The following ERG variants were observed in gnomAD, a reference collection of about 807,000 sequenced individuals.
ERG encodes the protein transcriptional regulator ERG.
A neutral mutation model predicts 55.3 loss-of-function variants in ERG; 9 were observed. The ratio of observed to expected loss-of-function variants is 0.16; its 90% CI spans 0.10 to 0.28. ERG has a LOEUF of 0.28. Ranked by LOEUF, ERG falls within the 10% of genes least tolerant of loss-of-function variation. ERG has a pLI of 1.00. For missense variants in ERG, 434 were observed against 631.6 expected (o/e 0.69, Z 3.35); for synonymous variants, 223 against 237.3 (o/e 0.94, Z 0.55).
Position 38,520,721 on chromosome 21 carries a change from T to C in ERG, c.-41+54941A>G, listed in dbSNP as rs117780186. Among the ~76,000 whole-genome samples the C allele has an allele frequency of 6.8e-3, 1,039 of 152,296 alleles. 10 individuals carry two copies. The highest frequency in any genetic ancestry group is 0.011 in the Non-Finnish European group (776 of 68,020). ...CAGGAAGACCTATCAGGACTGGTGA[T>C]TGACTGGAGGCAGAGAGCACGAAAA... On this transcript the variant is annotated intron_variant, in intron 2 of 8. Transcript: ENST00000398897.
intron 1 of ERG, among the ~76,000 whole-genome samples, chr21:38,638,856 G>A (rs1211300624): frequency 6.6e-6 from 1 of 152,080 alleles, no homozygotes; most frequent in African/African-American, 2.4e-5. Flanking sequence ...TAACCATCCT[G>A]TGCCTAGCAG....
chr21:38,629,216 T>TGC (rs2060343025), intron 1 of ERG, among the ~76,000 whole-genome samples: 1 of 152,162 alleles, frequency 6.6e-6, no homozygotes, highest in African/African-American at 2.4e-5. Flanking sequence ...TCCCTGGTTC[T>TGC]TTCTCCAGGG....
intron 2 of ERG, among the ~76,000 whole-genome samples, chr21:38,440,517 A>G (rs114793739): frequency 0.015 from 2,225 of 152,220 alleles, 51 homozygotes; most frequent in African/African-American, 0.051. Flanking sequence ...TGCACCTGAC[A>G]TTCGTAAAGA....
intron 2 of ERG, among the ~76,000 whole-genome samples, chr21:38,540,393 C>G (rs996887050): frequency 6.6e-6 from 1 of 152,156 alleles, no homozygotes; most frequent in Non-Finnish European, 1.5e-5. Context: ...TCCACATCAC[C>G]CCTCTTCCTA....
intron 6 of ERG, among the ~76,000 whole-genome samples, chr21:38,395,001 C>T (rs1388875379): frequency 6.6e-6 from 1 of 152,218 alleles, no homozygotes; most frequent in Non-Finnish European, 1.5e-5. Context: ...CAAAATCCTT[C>T]ATATGGTGTA....
At chr21:38,423,046 C>A (rs1169140476) in intron 3 of ERG, among the ~76,000 whole-genome samples, 1 of 150,578 alleles carries the variant, frequency 6.6e-6, no homozygotes, top group Non-Finnish European at 1.5e-5. Context: ...TGCATGTTTG[C>A]CTGGACATCC....
At chr21:38,532,226 C>T (rs1483157353) in intron 2 of ERG, among the ~76,000 whole-genome samples, 2 of 152,096 alleles carry the variant, frequency 1.3e-5, no homozygotes, top group African/African-American at 4.8e-5. Flanking sequence ...GGGGTTTCAA[C>T]AAGATAAACT....
intron 1 of ERG, among the ~76,000 whole-genome samples, chr21:38,631,648 T>G (rs138365617): frequency 3.7e-4 from 56 of 152,288 alleles, no homozygotes; most frequent in African/African-American, 1.3e-3. Context: ...ATCTCTGCAT[T>G]ACTGTGTGCA....
chr21:38,588,964 CA>C (rs2060083722), upstream of ERG, among the ~76,000 whole-genome samples: 1 of 152,146 alleles, frequency 6.6e-6, no homozygotes, highest in Admixed American at 6.5e-5. Context: ...CTCCTGGCCT[CA>C]AGCAATCCTC....
intron 2 of ERG, among the ~76,000 whole-genome samples, chr21:38,565,960 A>G (rs139758573): frequency 6.6e-6 from 1 of 152,354 alleles, no homozygotes; most frequent in African/African-American, 2.4e-5. Flanking sequence ...AAGTGTGTGA[A>G]GAGTATGAAG....
chr21:38,428,446 C>A (rs1456403270), intron 2 of ERG, among the ~76,000 whole-genome samples: 1 of 152,166 alleles, frequency 6.6e-6, no homozygotes, highest in Non-Finnish European at 1.5e-5. Context: ...GCATAGAGGA[C>A]CACGTGTTCT....
chr21:38,583,302 C>T (rs9305653), intron 1 of ERG, among the ~76,000 whole-genome samples: 2 of 152,140 alleles, frequency 1.3e-5, no homozygotes, highest in South Asian at 2.1e-4. Context: ...AACATAGGGC[C>T]CATGATTTAA....
rs571532728 is a variant in ERG at position 38,573,665 on chromosome 21, A to G, written c.-41+1997T>C. 7.2e-5 allele frequency among the ~76,000 whole-genome samples: 11 copies of G among 152,262 alleles called. 1 individual carries two copies. The South Asian group carries it at 1.9e-3, about 26-fold the overall frequency. On this transcript the variant is annotated intron_variant, in intron 2 of 8. Transcript: ENST00000398897. Reference sequence around the variant, plus strand: ...CTTATTATCACCCTGCTCTCCTACTACATTCCTTTTTGCTAAAATAATGAA... The same window carrying G: ...CTTATTATCACCCTGCTCTCCTACTGCATTCCTTTTTGCTAAAATAATGAA...
intron 2 of ERG, among the ~76,000 whole-genome samples, chr21:38,573,178 C>A (rs546577854): frequency 7.2e-5 from 11 of 152,332 alleles, no homozygotes; most frequent in African/African-American, 2.6e-4. Context: ...CAATGCACTG[C>A]GGAAAGCCGC....
intron 2 of ERG, among the ~76,000 whole-genome samples, chr21:38,511,126 C>A (rs2059508239): frequency 6.6e-6 from 1 of 152,128 alleles, no homozygotes; most frequent in Non-Finnish European, 1.5e-5. Context: ...TTTTCAATAA[C>A]CTTCCTGAAT....
intron 2 of ERG, among the ~76,000 whole-genome samples, chr21:38,442,866 G>A (rs1175843626): frequency 6.6e-6 from 1 of 152,134 alleles, no homozygotes; most frequent in Non-Finnish European, 1.5e-5. Context: ...GGAGTGCAGT[G>A]GCGCGATCTC....
upstream of ERG, among the ~76,000 whole-genome samples, chr21:38,586,355 A>C (rs1052823184): frequency 2.6e-5 from 4 of 151,938 alleles, no homozygotes; most frequent in Non-Finnish European, 4.4e-5. Context: ...ATGCATTGTT[A>C]TTAACTACAG....
At chr21:38,467,021 T>G (rs2059097244) in intron 1 of ERG, among the ~76,000 whole-genome samples, 1 of 152,218 alleles carries the variant, frequency 6.6e-6, no homozygotes, top group Non-Finnish European at 1.5e-5. Flanking sequence ...CAGAGGTAGT[T>G]AATTTGGCAA....
At chr21:38,529,292 G>C (rs1401573764) in intron 2 of ERG, among the ~76,000 whole-genome samples, 1 of 152,172 alleles carries the variant, frequency 6.6e-6, no homozygotes, top group Non-Finnish European at 1.5e-5. Context: ...AGGGAGATGA[G>C]GGAGGGGTGA....
Sources: allele counts gnomAD v4.1 joint callset (sites outside exome capture counted in the v4.1 genomes callset), GRCh38; gene constraint gnomAD v4.1.1; transcripts MANE v1.5; gene names NCBI Gene and HGNC (gene_info 2026-07-23, HGNC 2026-07-21).